The following KCNQ1 variants were observed in gnomAD, a reference collection of about 807,000 sequenced individuals.
KCNQ1 encodes the protein potassium voltage-gated channel subfamily Q member 1, also known as potassium voltage-gated channel subfamily KQT member 1.
In KCNQ1, 49 loss-of-function variants were observed where a neutral mutation model predicts 72.4. That is an observed-to-expected ratio of 0.68 (90% CI 0.54 to 0.86). The LOEUF is 0.86. Ranked by LOEUF, KCNQ1 falls within the 40% of genes least tolerant of loss-of-function variation. The probability of loss-of-function intolerance (pLI) is 0.00; values close to 1 mark genes in which losing one functional copy is unlikely to be tolerated. For missense variants in KCNQ1, 790 were observed against 945.1 expected (o/e 0.84, Z 2.15); for synonymous variants, 450 against 412.6 (o/e 1.09, Z -1.10).
chr11:2,607,389 T>C (rs1247728994), intron 10 of KCNQ1, among the ~76,000 whole-genome samples: 1 of 152,160 alleles, frequency 6.6e-6, no homozygotes, highest in Non-Finnish European at 1.5e-5. Flanking sequence ...TCAAAATGTA[T>C]ATGTTGAAAT....
In KCNQ1 at chr11:2,746,314, GCAT is replaced by G. The variant is rs1846138109; in HGVS notation, c.1515-22528_1515-22526del. On this transcript the variant is annotated intron_variant, in intron 11 of 15. Transcript: ENST00000155840. This position sits in a 1 kb window ranked among gnomAD's most constrained non-coding sequence, Gnocchi z 5.9. ...CCTTCCCCCAGCAGCCCTATTATCA[GCAT>G]CTCACATTAGTATGCATTTGTCACA... 6.6e-6 allele frequency among the ~76,000 whole-genome samples: 1 copy of G among 152,176 alleles called. No homozygotes were observed. Among genetic ancestry groups the G allele is most frequent in the African/African-American group, 2.4e-5 (1 of 41,438 alleles).
intron 1 of KCNQ1, among the ~76,000 whole-genome samples, chr11:2,474,878 G>A (rs1846548335): frequency 6.6e-6 from 1 of 152,136 alleles, no homozygotes; most frequent in African/African-American, 2.4e-5. Context: ...CCCACATCGG[G>A]CCCTTTTACA....
rs1281179389 is a variant in KCNQ1, at chr11:2,824,742, A to C, written c.1795-23025A>C. The stretch of plus-strand genomic sequence containing the variant: ...ACAGTCAGGAGCTTGGGCATCCTAG[A>C]GGCCCCCGGGACAGCTTTGAGGAAG... On this transcript the variant is annotated intron_variant, in intron 15 of 15. Transcript: ENST00000155840. The surrounding 1 kb of genome is among the most constrained non-coding windows in gnomAD (Gnocchi z 5.9). Among the ~76,000 whole-genome samples the C allele has an allele frequency of 6.6e-6, 1 of 151,886 alleles. No individual in the cohort carries two copies. Among genetic ancestry groups the C allele is most frequent in the Non-Finnish European group, 1.5e-5 (1 of 67,892 alleles).
At position 2,549,637 on chromosome 11, in the gene KCNQ1, G is replaced by C. The variant is rs772295383; in HGVS notation, c.478-20991G>C. ...TCTGCGAGGCCCGGGGTAGGGGCGTGGGGGGGCCTCCTCCTCCCAAGCACC... is the reference window on the plus strand; with the variant it reads ...TCTGCGAGGCCCGGGGTAGGGGCGTCGGGGGGCCTCCTCCTCCCAAGCACC... On this transcript the variant is annotated intron_variant, in intron 2 of 15. Transcript: ENST00000155840. The surrounding 1 kb of genome is among the most constrained non-coding windows in gnomAD (Gnocchi z 6.2). Among the ~76,000 whole-genome samples the C allele has an allele frequency of 5.9e-5, 9 of 151,760 alleles. No individual in the cohort carries two copies. Among genetic ancestry groups the C allele is most frequent in the Non-Finnish European group, 1.2e-4 (8 of 67,864 alleles).
At chr11:2,753,204 A>T (rs1401312361) in intron 11 of KCNQ1, among the ~76,000 whole-genome samples, 2 of 152,188 alleles carry the variant, frequency 1.3e-5, no homozygotes, top group Non-Finnish European at 2.9e-5. Flanking sequence ...AGGAAGCCAT[A>T]CAGTATCTGA....
At chr11:2,696,718 C>A in intron 11 of KCNQ1, 4 of 398,600 alleles carry the variant, frequency 1.0e-5, no homozygotes, top group Middle Eastern at 6.3e-4. Context: ...ATGGAAAGAT[C>A]TCCCTCTATA....
chr11:2,699,725 G>A lies in KCNQ1; in HGVS notation c.1514+37644G>A, dbSNP rs429298. On this transcript the variant is annotated intron_variant, in intron 11 of 15. Coordinates refer to ENST00000155840, the MANE Select transcript of KCNQ1 (RefSeq NM_000218.3). ...GGAGAACGGCGCCGAGGAGTCCCCG[G>A]GGAGAACTGCGCCGAGGAGCCCCCA... The A allele has an allele frequency of 9.9e-4, 283 of 284,706 alleles. 2 individuals are homozygous for A. The highest frequency in any genetic ancestry group is 3.6e-3 in the Middle Eastern group (4 of 1,126). 17.6% of individuals were successfully genotyped at this position (284,706 alleles called of 1,614,324 possible).
At position 2,565,077 on chromosome 11, in the gene KCNQ1, G is replaced by A. The variant is rs548993740; in HGVS notation, c.478-5551G>A. Among the ~76,000 whole-genome samples, 4 of 152,276 alleles carry A rather than the reference G, an allele frequency of 2.6e-5. No homozygotes were observed. Among genetic ancestry groups the A allele is most frequent in the African/African-American group, 7.2e-5 (3 of 41,548 alleles). On this transcript the variant is annotated intron_variant, in intron 2 of 15. Transcript: ENST00000155840. This position sits in a 1 kb window ranked among gnomAD's most constrained non-coding sequence, Gnocchi z 5.6. The stretch of plus-strand genomic sequence containing the variant: ...TGTATGGATCTCCTTTAAAGAGACC[G>A]GGGACAGACTCCAAAGTGGAATTGC...
intron 15 of KCNQ1, among the ~76,000 whole-genome samples, chr11:2,810,229 G>T (rs746328518): frequency 3.9e-5 from 6 of 152,160 alleles, no homozygotes; most frequent in Non-Finnish European, 7.3e-5. Context: ...GGACTCAGGG[G>T]TTTCAATTTC....
rs1293240118 is a variant in KCNQ1, at chr11:2,674,406, T to C, written c.1514+12325T>C. On this transcript the variant is annotated intron_variant, in intron 11 of 15. Coordinates refer to ENST00000155840, the MANE Select transcript of KCNQ1 (RefSeq NM_000218.3). This position sits in a 1 kb window ranked among gnomAD's most constrained non-coding sequence, Gnocchi z 5.9. ...GAAGGTGCATGCGTGCGTGTGTGTG[T>C]GCGCGCCCGCGCGCACACGACCACA... The C allele has an allele frequency of 1.0e-4, 15 of 148,604 alleles. No individual in the cohort carries two copies. The highest frequency in any genetic ancestry group is 2.0e-4 in the Non-Finnish European group (14 of 68,550). 9.2% of individuals were successfully genotyped at this position (148,604 alleles called of 1,614,324 possible).
chr11:2,733,857 C>CACTCTCT (rs147278439), intron 11 of KCNQ1, among the ~76,000 whole-genome samples: 1 of 76,322 alleles, frequency 1.3e-5, no homozygotes, highest in African/African-American at 6.1e-5. Flanking sequence ...CTCTCTCTCT[C>CACTCTCT]CCCCCCCACT....
intron 11 of KCNQ1, among the ~76,000 whole-genome samples, chr11:2,721,194 T>C (rs898038546): frequency 1.3e-5 from 2 of 152,136 alleles, no homozygotes; most frequent in Non-Finnish European, 2.9e-5. Context: ...ACTCGACAAG[T>C]TACGAAACAT....
intron 1 of KCNQ1, among the ~76,000 whole-genome samples, chr11:2,456,955 A>AACC (rs1846202965): frequency 9.3e-6 from 1 of 107,876 alleles, no homozygotes; most frequent in African/African-American, 4.7e-5. Flanking sequence ...AAAAAAAAAA[A>AACC]AAAAAAAAAA....
intron 6 of KCNQ1, among the ~76,000 whole-genome samples, chr11:2,575,427 T>C (rs78250779): frequency 0.01 from 1,572 of 152,236 alleles, 25 homozygotes; most frequent in East Asian, 0.034. Context: ...TGCAGCTGTC[T>C]GGGGGGAGCG....
In KCNQ1 at chr11:2,808,970, G is replaced by T. The variant is rs1263666518; in HGVS notation, c.1794+30933G>T. Among the ~76,000 whole-genome samples, 1 of 142,912 alleles carries T rather than the reference G, an allele frequency of 7.0e-6. No individual in the cohort carries two copies. Among genetic ancestry groups the T allele is most frequent in the Non-Finnish European group, 1.5e-5 (1 of 66,456 alleles). The allele number at this position is 142,912 out of a possible 152,430, so 93.8% of individuals were successfully genotyped here. ...ATATATGGATGCATGGAGAGACAGA[G>T]AAATAGATGCAGAGATGGAGGGAGG... On this transcript the variant is annotated intron_variant, in intron 15 of 15. Coordinates refer to ENST00000155840, the MANE Select transcript of KCNQ1 (RefSeq NM_000218.3). The surrounding 1 kb of genome is among the most constrained non-coding windows in gnomAD (Gnocchi z 6.0).
At chr11:2,641,807 A>G (rs1264330187) in intron 10 of KCNQ1, 1 of 398,216 alleles carries the variant, frequency 2.5e-6, no homozygotes, top group African/African-American at 2.1e-5. Flanking sequence ...TCTTGAGTTG[A>G]TTTTAGTATA....
intron 10 of KCNQ1, chr11:2,616,080 A>G (rs2133797167): frequency 2.5e-6 from 1 of 398,156 alleles, no homozygotes; most frequent in East Asian, 3.6e-5. Context: ...TTTGGTCTGT[A>G]TTAGTATTTT....
intron 10 of KCNQ1, chr11:2,610,942 G>A: frequency 2.5e-6 from 1 of 398,142 alleles, no homozygotes; most frequent in East Asian, 3.6e-5. Context: ...CTGAATAATT[G>A]ATAGAACAAC....
At chr11:2,737,286 C>T (rs948481987) in intron 11 of KCNQ1, among the ~76,000 whole-genome samples, 7 of 152,160 alleles carry the variant, frequency 4.6e-5, no homozygotes, top group African/African-American at 1.4e-4. Flanking sequence ...GGGAGAGCCC[C>T]GGGCAGCTGC....
Sources: allele counts gnomAD v4.1 joint callset (sites outside exome capture counted in the v4.1 genomes callset), GRCh38; gene constraint gnomAD v4.1.1; non-coding constraint Gnocchi (gnomAD v3.1); transcripts MANE v1.5; gene names NCBI Gene and HGNC (gene_info 2026-07-23, HGNC 2026-07-21).